PCDHA9: variants seen among roughly 807,000 people sequenced by gnomAD.
PCDHA9 encodes protocadherin alpha 9.
PCDHA9 carries 62 observed loss-of-function variants against 62.0 expected under a neutral mutation model. The ratio of observed to expected loss-of-function variants is 1.00; its 90% CI spans 0.81 to 1.23. PCDHA9 has a LOEUF of 1.23. Among genes scored for constraint, PCDHA9 ranks in the 50% most tolerant of loss-of-function variants. The probability of loss-of-function intolerance (pLI) is 0.00; values close to 1 mark genes in which losing one functional copy is unlikely to be tolerated. For synonymous variants in PCDHA9, 557 were observed against 567.6 expected, an observed-to-expected ratio of 0.98 and a Z score of 0.27; for missense variants, 1,205 against 1,249.8, an observed-to-expected ratio of 0.96 and a Z score of 0.54.
At chr5:140,873,665 A>G (rs1554166831) in intron 1 of PCDHA9, among the ~76,000 whole-genome samples, 1 of 152,034 alleles carries the variant, frequency 6.6e-6, no homozygotes. Flanking sequence ...CACTATTATT[A>G]TTTGTTTCTT....
intron 1 of PCDHA9, among the ~76,000 whole-genome samples, chr5:140,914,476 G>C (rs1054000684): frequency 6.6e-6 from 1 of 152,140 alleles, no homozygotes; most frequent in Non-Finnish European, 1.5e-5. Context: ...CTTCATAGGT[G>C]AAGTGTTTCT....
At chr5:140,857,819 G>A in intron 1 of PCDHA9, 1 of 1,597,752 alleles carries the variant, frequency 6.3e-7, no homozygotes, top group Non-Finnish European at 8.6e-7. Context: ...TCACGTGGTG[G>A]CTAAGGTGCG....
At chr5:140,990,227 A>G (rs1424384055) in intron 3 of PCDHA9, among the ~76,000 whole-genome samples, 1 of 152,134 alleles carries the variant, frequency 6.6e-6, no homozygotes, top group Non-Finnish European at 1.5e-5. Flanking sequence ...GTTTATTGTA[A>G]CTAGCGTTGT....
rs374520361 is a variant in PCDHA9, at chr5:140,870,742, A to C, written c.2394+19853A>C. 10 of 1,613,406 alleles carry C rather than the reference A, an allele frequency of 6.2e-6. No homozygotes were observed. In the African/African-American group the frequency reaches 1.1e-4, roughly 17 times the overall value. On this transcript the variant is annotated intron_variant, in intron 1 of 3. Transcript: ENST00000532602. ...TGCGGGCGTGCCGCCTCTGAGCAGC[A>C]ACGTGACGCTGCAGGTGTTCGTGCT...
intron 1 of PCDHA9, among the ~76,000 whole-genome samples, chr5:140,938,945 T>A (rs1390189208): frequency 6.6e-6 from 1 of 152,154 alleles, no homozygotes; most frequent in African/African-American, 2.4e-5. Context: ...TCCATTCTTA[T>A]AATGCTCTAG....
At chr5:140,908,342 A>G (rs542660039) in intron 1 of PCDHA9, among the ~76,000 whole-genome samples, 48 of 152,196 alleles carry the variant, frequency 3.2e-4, no homozygotes, top group Non-Finnish European at 5.3e-4. Flanking sequence ...TTGAGCCACT[A>G]CCTCATGTAA....
intron 1 of PCDHA9, among the ~76,000 whole-genome samples, chr5:140,917,537 A>G (rs1433498846): frequency 2.0e-5 from 3 of 152,222 alleles, no homozygotes; most frequent in Middle Eastern, 3.2e-3. Flanking sequence ...GTATAGTTTT[A>G]GGTTTTACAT....
intron 1 of PCDHA9, among the ~76,000 whole-genome samples, chr5:140,918,244 T>C (rs1554198493): frequency 6.6e-6 from 1 of 152,236 alleles, no homozygotes; most frequent in South Asian, 2.1e-4. Flanking sequence ...TGATTTTGTA[T>C]GCTGAAACTT....
intron 1 of PCDHA9, chr5:140,926,694 G>T: frequency 4.0e-6 from 3 of 746,722 alleles, no homozygotes; most frequent in Non-Finnish European, 5.8e-6. Flanking sequence ...TAGCAAGCCC[G>T]GCTCCCAGCT....
chr5:140,875,741 T>A lies in PCDHA9; in HGVS notation c.2394+24852T>A, dbSNP rs781967971. On this transcript the variant is annotated intron_variant, in intron 1 of 3. Transcript: ENST00000532602. ...GGCATTTTGTTTGTGAATTCTCGGA[T>A]CGACCGCGAGAAGCTGTGCGGGCGG... 1.7e-5 allele frequency: 28 copies of A among 1,614,216 alleles called. No individual in the cohort carries two copies. Among genetic ancestry groups the A allele is most frequent in the Non-Finnish European group, 2.2e-5 (26 of 1,180,032 alleles).
At chr5:140,904,754 C>G (rs2071365435) in intron 1 of PCDHA9, among the ~76,000 whole-genome samples, 1 of 152,068 alleles carries the variant, frequency 6.6e-6, no homozygotes, top group South Asian at 2.1e-4. Context: ...ACCATTTTTG[C>G]AAGAATAAGA....
chr5:140,852,589 T>TA (rs1324602977), intron 1 of PCDHA9: 6 of 884,534 alleles, frequency 6.8e-6, no homozygotes, highest in African/African-American at 2.0e-5. Flanking sequence ...TTTATTTTTT[T>TA]TTTTTGTCAT....
chr5:140,903,401 T>C (rs577425497), intron 1 of PCDHA9, among the ~76,000 whole-genome samples: 1 of 152,218 alleles, frequency 6.6e-6, no homozygotes, highest in Non-Finnish European at 1.5e-5. Context: ...GAAACAGTAG[T>C]GCAGTCAGGA....
At chr5:140,864,105 T>C (rs1413292385) in intron 1 of PCDHA9, 1 of 152,314 alleles carries the variant, frequency 6.6e-6, no homozygotes, top group Non-Finnish European at 1.5e-5. Flanking sequence ...ATAATGATAA[T>C]AGTAATAATG....
In PCDHA9 at chr5:140,883,232, G is replaced by C. The variant is rs782490836; in HGVS notation, c.2394+32343G>C. 3 of 1,613,952 alleles carry C rather than the reference G, an allele frequency of 1.9e-6. No individual in the cohort carries two copies. The Admixed American group carries it at 5.0e-5, about 27-fold the overall frequency. On this transcript the variant is annotated intron_variant, in intron 1 of 3. Transcript: ENST00000532602. ...GAAATTATATGAAATATCCGTGGAGGCAGTTGACAAAGGAAATATTCCAAT... is the reference window on the plus strand; with the variant it reads ...GAAATTATATGAAATATCCGTGGAGCCAGTTGACAAAGGAAATATTCCAAT...
intron 1 of PCDHA9, chr5:140,875,896 G>C (rs1183868015): frequency 6.2e-7 from 1 of 1,614,078 alleles, no homozygotes; most frequent in African/African-American, 1.3e-5. Context: ...AAAGGTACCT[G>C]TTTCTGAATC....
At chr5:140,913,734 A>C (rs1408251545) in intron 1 of PCDHA9, among the ~76,000 whole-genome samples, 1 of 152,070 alleles carries the variant, frequency 6.6e-6, no homozygotes, top group African/African-American at 2.4e-5. Context: ...TCCCTCTAAT[A>C]GTACTCCTTT....
intron 1 of PCDHA9, among the ~76,000 whole-genome samples, chr5:140,946,631 T>TATATATATACAC (rs57893927): frequency 0.012 from 1,602 of 131,782 alleles, 27 homozygotes; most frequent in South Asian, 0.028. Flanking sequence ...TATATATATA[T>TATATATATACAC]ACAATGGAAT....
intron 3 of PCDHA9, among the ~76,000 whole-genome samples, chr5:140,992,594 G>A (rs782416770): frequency 2.6e-5 from 4 of 152,148 alleles, no homozygotes; most frequent in Non-Finnish European, 2.9e-5. Flanking sequence ...TGCATCTAGC[G>A]TCTGTGTCTA....
Sources: gnomAD v4.1 joint callset for allele counts (sites outside exome capture counted in the v4.1 genomes callset) on GRCh38, gnomAD v4.1.1 for gene constraint, MANE v1.5 for transcripts, NCBI Gene and HGNC (gene_info 2026-07-23, HGNC 2026-07-21) for gene names.